Variants in MEI4 observed in about 807,000 individuals in gnomAD.
MEI4 encodes meiotic double-stranded break formation protein 4.
A neutral mutation model predicts 31.4 loss-of-function variants in MEI4; 27 were observed. The observed-to-expected ratio is 0.86, with a 90% CI of 0.63 to 1.19. MEI4 has a LOEUF of 1.19. Among genes scored for constraint, MEI4 ranks in the 50% most tolerant of loss-of-function variants. The probability of loss-of-function intolerance (pLI) is 0.00; values close to 1 mark genes in which losing one functional copy is unlikely to be tolerated. For synonymous variants in MEI4, 122 were observed against 145.4 expected (o/e 0.84, Z 1.16); for missense variants, 329 against 398.9 (o/e 0.82, Z 1.49).
chr6:77,667,490 C>T (rs1447329292), intron 1 of MEI4, among the ~76,000 whole-genome samples: 3 of 152,274 alleles, frequency 2.0e-5, no homozygotes, highest in African/African-American at 4.8e-5. Flanking sequence ...CTATTTCACT[C>T]ACAACCCTTT....
At chr6:77,884,012 C>T (rs1334636554) in intron 4 of MEI4, among the ~76,000 whole-genome samples, 1 of 151,936 alleles carries the variant, frequency 6.6e-6, no homozygotes. Flanking sequence ...TCTGCATCCT[C>T]ACCAACGGTT....
At chr6:77,661,538 G>C (rs1460853966) in intron 1 of MEI4, among the ~76,000 whole-genome samples, 1 of 152,158 alleles carries the variant, frequency 6.6e-6, no homozygotes, top group Non-Finnish European at 1.5e-5. Flanking sequence ...AAATCTCCGA[G>C]CTTGATGTGT....
intron 3 of MEI4, among the ~76,000 whole-genome samples, chr6:77,786,422 A>T (rs1186173846): frequency 6.6e-6 from 1 of 152,164 alleles, no homozygotes; most frequent in East Asian, 1.9e-4. Context: ...GGGATCATGT[A>T]TGTCAAGAAA....
In MEI4 at chr6:77,698,614, A is replaced by G. The variant is rs9448169; in HGVS notation, c.232+7711A>G. 7.0e-3 allele frequency among the ~76,000 whole-genome samples: 1,062 copies of G among 152,318 alleles called. 13 individuals are homozygous for G. The highest frequency in any genetic ancestry group is 0.024 in the African/African-American group (1,002 of 41,566). On this transcript the variant is annotated intron_variant, in intron 2 of 4. Transcript: ENST00000684080. ...ATTGGCCCCCACTCTCTTCTGGCTTATAGAGTTTCTGCTGAGAGATCCACT... is the reference window on the plus strand; with the variant it reads ...ATTGGCCCCCACTCTCTTCTGGCTTGTAGAGTTTCTGCTGAGAGATCCACT...
rs1170708194 is a variant in MEI4 at position 77,736,744 on chromosome 6, G to C, written c.233-24386G>C. Among the ~76,000 whole-genome samples the C allele has an allele frequency of 2.0e-5, 3 of 152,048 alleles. No homozygotes were observed. In the East Asian group the frequency reaches 5.8e-4, roughly 29 times the overall value. On this transcript the variant is annotated intron_variant, in intron 2 of 4. Transcript: ENST00000684080. ...TAAGCCCTGCCCATAGCATCACACA[G>C]TCTAGTGAGGGTAAGATTACATCAT...
Position 77,924,656 on chromosome 6 carries a change from A to G in MEI4, c.*1310A>G, listed in dbSNP as rs1766803075. ...AGGCTTTCTTCTCTTCCACATGTGC[A>G]TATTCTGAGAACCAGACTTGGGGGA... is the stretch of plus-strand genomic sequence containing the variant. On this transcript the variant is annotated 3_prime_UTR_variant, in exon 5 of 5. Coordinates refer to ENST00000684080, the MANE Select transcript of MEI4 (RefSeq NM_001322247.2). 6.6e-6 allele frequency: 1 copy of G among 151,824 alleles called. No homozygotes were observed. The highest frequency in any genetic ancestry group is 1.5e-5 in the Non-Finnish European group (1 of 67,892). The allele number at this position is 151,824 out of a possible 1,614,324, so 9.4% of individuals were successfully genotyped here.
At chr6:77,669,444 G>C (rs1768697847) in intron 1 of MEI4, among the ~76,000 whole-genome samples, 1 of 152,120 alleles carries the variant, frequency 6.6e-6, no homozygotes, top group South Asian at 2.1e-4. Flanking sequence ...GAATAATGCA[G>C]ATAATAAACA....
Position 77,908,671 on chromosome 6 carries a change from G to C in MEI4, c.901-14418G>C, listed in dbSNP as rs201298694. ...CATATGAACTTTAAAGTAGCAAATG[G>C]AAAACAAAAAAAGGCAGGGGTTGCA... On this transcript the variant is annotated intron_variant, in intron 4 of 4. Transcript: ENST00000684080. Among the ~76,000 whole-genome samples the C allele has an allele frequency of 5.9e-5, 9 of 151,518 alleles. No individual in the cohort carries two copies. In the East Asian group the frequency reaches 1.5e-3, roughly 26 times the overall value.
At chr6:77,714,205 A>T (rs1166004353) in intron 2 of MEI4, among the ~76,000 whole-genome samples, 1 of 151,350 alleles carries the variant, frequency 6.6e-6, no homozygotes, top group Non-Finnish European at 1.5e-5. Context: ...ACACTCCATG[A>T]CACAAGTTTA....
chr6:77,828,552 C>T (rs2127711143), intron 3 of MEI4, among the ~76,000 whole-genome samples: 1 of 152,058 alleles, frequency 6.6e-6, no homozygotes, highest in African/African-American at 2.4e-5. Flanking sequence ...GTCCCTGGTG[C>T]CAAAAAGAAT....
At chr6:77,663,375 G>T (rs1307415016) in intron 1 of MEI4, among the ~76,000 whole-genome samples, 1 of 151,844 alleles carries the variant, frequency 6.6e-6, no homozygotes, top group Non-Finnish European at 1.5e-5. Flanking sequence ...CAAGGAGGGA[G>T]TAGAGGTGTC....
chr6:77,787,983 C>T (rs575805939), intron 3 of MEI4, among the ~76,000 whole-genome samples: 29 of 152,184 alleles, frequency 1.9e-4, no homozygotes, highest in African/African-American at 7.0e-4. Flanking sequence ...GTGTCTCTGC[C>T]AGGCTTTGGT....
At chr6:77,763,060 T>C (rs1768080747) in intron 3 of MEI4, among the ~76,000 whole-genome samples, 1 of 152,290 alleles carries the variant, frequency 6.6e-6, no homozygotes, top group Middle Eastern at 3.4e-3. Flanking sequence ...CAAATATTTT[T>C]CCAGTCTAGT....
intron 1 of MEI4, among the ~76,000 whole-genome samples, chr6:77,664,893 C>T (rs1027325891): frequency 3.9e-5 from 6 of 151,972 alleles, no homozygotes; most frequent in South Asian, 2.1e-4. Context: ...TGGGGTCAAG[C>T]GGCATTGCAG....
intron 3 of MEI4, among the ~76,000 whole-genome samples, chr6:77,798,298 C>T (rs550901512): frequency 2.1e-4 from 32 of 151,086 alleles, no homozygotes; most frequent in South Asian, 6.3e-4. Flanking sequence ...TAAATCCTAA[C>T]GTATTGATTA....
intron 4 of MEI4, among the ~76,000 whole-genome samples, chr6:77,852,250 T>G (rs1770643458): frequency 1.3e-5 from 2 of 152,084 alleles, no homozygotes; most frequent in Non-Finnish European, 2.9e-5. Context: ...AGTAAAAAAC[T>G]TTGAAAATAA....
At chr6:77,736,214 G>A (rs1561965504) in intron 2 of MEI4, among the ~76,000 whole-genome samples, 1 of 152,058 alleles carries the variant, frequency 6.6e-6, no homozygotes, top group Non-Finnish European at 1.5e-5. Flanking sequence ...CTGGGCAATG[G>A]CGGGCGCCCC....
intron 4 of MEI4, among the ~76,000 whole-genome samples, chr6:77,837,085 T>C (rs1562007138): frequency 1.3e-5 from 2 of 152,222 alleles, no homozygotes; most frequent in East Asian, 3.9e-4. Context: ...TCCACATCAC[T>C]GAATGCCTTT....
chr6:77,754,998 G>T (rs1385005742), intron 2 of MEI4, among the ~76,000 whole-genome samples: 2 of 152,058 alleles, frequency 1.3e-5, no homozygotes, highest in Non-Finnish European at 2.9e-5. Flanking sequence ...TAATTTTATG[G>T]GTAAGTTAGG....
Sources: allele counts gnomAD v4.1 joint callset (sites outside exome capture counted in the v4.1 genomes callset), GRCh38; gene constraint gnomAD v4.1.1; transcripts MANE v1.5; gene names NCBI Gene and HGNC (gene_info 2026-07-23, HGNC 2026-07-21).